The following CSRNP3 variants were observed in gnomAD, a reference collection of about 807,000 sequenced individuals.
CSRNP3 encodes the protein cysteine and serine rich nuclear protein 3, also known as cysteine/serine-rich nuclear protein 3.
CSRNP3 carries 12 observed loss-of-function variants against 48.0 expected under a neutral mutation model. That is an observed-to-expected ratio of 0.25 (90% CI 0.16 to 0.41). CSRNP3 has a LOEUF of 0.41. CSRNP3 is among the 10% of genes least tolerant of loss of function. CSRNP3 has a pLI of 1.00. For synonymous variants in CSRNP3, 263 were observed against 269.7 expected, an observed-to-expected ratio of 0.98 and a Z score of 0.24; for missense variants, 580 against 724.4, an observed-to-expected ratio of 0.80 and a Z score of 2.29.
Position 165,500,420 on chromosome 2 carries a change from TACACAC to T in CSRNP3, c.-113+5507_-113+5512del, listed in dbSNP as rs60600698. 1.8e-4 allele frequency among the ~76,000 whole-genome samples: 26 copies of T among 142,408 alleles called. No homozygotes were observed. The East Asian group carries it at 2.6e-3, about 14-fold the overall frequency. The allele number at this position is 142,408 out of a possible 152,430, so 93.4% of individuals were successfully genotyped here. A position where few individuals can be genotyped will look rare whatever the true frequency, so the allele number is the denominator to read the frequency against. On this transcript the variant is annotated intron_variant, in intron 2 of 6. Transcript: ENST00000651982. ...ATACATATATGTATACATATATATA[TACACAC>T]ACACACACACACACGTGTATATATA...
chr2:165,569,249 C>T (rs893778881), intron 3 of CSRNP3, among the ~76,000 whole-genome samples: 2 of 152,146 alleles, frequency 1.3e-5, no homozygotes, highest in African/African-American at 4.8e-5. Context: ...GAAAATCCAG[C>T]CTCATCAAGG....
intron 3 of CSRNP3, among the ~76,000 whole-genome samples, chr2:165,592,291 G>C (rs1685730495): frequency 6.6e-6 from 1 of 152,164 alleles, no homozygotes; most frequent in Non-Finnish European, 1.5e-5. Flanking sequence ...TTAGGAACAG[G>C]TGTGTTTACC....
chr2:165,594,914 G>T (rs1473880373), intron 3 of CSRNP3, 129 bp from the exon 4 acceptor site: 1 of 600,280 alleles, frequency 1.7e-6, no homozygotes, highest in South Asian at 4.9e-5. Flanking sequence ...ATCTGCTAAA[G>T]ATCCTTTCAA....
At chr2:165,493,102 C>G (rs903873180) in intron 1 of CSRNP3, among the ~76,000 whole-genome samples, 1 of 151,772 alleles carries the variant, frequency 6.6e-6, no homozygotes, top group Admixed American at 6.6e-5. Flanking sequence ...GCAGAAAGAC[C>G]TGGAATAAAT....
intron 1 of CSRNP3, among the ~76,000 whole-genome samples, chr2:165,482,364 A>C (rs999658910): frequency 6.6e-6 from 1 of 151,942 alleles, no homozygotes; most frequent in Non-Finnish European, 1.5e-5. Flanking sequence ...CCTGAGTCCA[A>C]GCGATTCTTG....
intron 3 of CSRNP3, among the ~76,000 whole-genome samples, chr2:165,539,535 A>C (rs1475370940): frequency 6.6e-6 from 1 of 152,086 alleles, no homozygotes; most frequent in Non-Finnish European, 1.5e-5. Context: ...TAACAACTTA[A>C]AGAGAACAAA....
rs1368247554 is a variant in CSRNP3 at position 165,679,344 on chromosome 2, T to A, written c.1349T>A (p.Ile450Asn). Residue 450 changes from isoleucine (I) to asparagine (N), a missense_variant, in exon 7 of 7, where the codon ATC becomes AAC. Transcript: ENST00000651982. ...DSHIPGTPNQISENYSERDTV... is the reference protein window; with the variant it reads ...DSHIPGTPNQNSENYSERDTV... ...CACATTCCAGGAACTCCAAATCAGA[T>A]CTCTGAGAACTATTCTGAAAGAGAC... The A allele has an allele frequency of 3.1e-6, 5 of 1,613,620 alleles. No individual in the cohort carries two copies. In the Admixed American group the frequency reaches 8.3e-5, roughly 27 times the overall value.
intron 4 of CSRNP3, among the ~76,000 whole-genome samples, chr2:165,621,495 A>C (rs1296830521): frequency 1.3e-5 from 2 of 152,200 alleles, no homozygotes; most frequent in African/African-American, 4.8e-5. Flanking sequence ...TTTCCAGTGG[A>C]GCATAGAATG....
chr2:165,623,059 T>A (rs1435608066), intron 4 of CSRNP3, among the ~76,000 whole-genome samples: 1 of 152,170 alleles, frequency 6.6e-6, no homozygotes, highest in Non-Finnish European at 1.5e-5. Flanking sequence ...CAGCCTTGGG[T>A]TGAAAATATT....
At chr2:165,619,125 TA>T (rs1686297249) in intron 4 of CSRNP3, among the ~76,000 whole-genome samples, 1 of 152,122 alleles carries the variant, frequency 6.6e-6, no homozygotes, top group Non-Finnish European at 1.5e-5. Context: ...ATAGGAGAAC[TA>T]AAGTAAAATA....
At chr2:165,483,726 T>C (rs1437055553) in intron 1 of CSRNP3, among the ~76,000 whole-genome samples, 1 of 152,182 alleles carries the variant, frequency 6.6e-6, no homozygotes, top group African/African-American at 2.4e-5. Context: ...GACTGTTTTC[T>C]AGACAGCCAT....
intron 3 of CSRNP3, among the ~76,000 whole-genome samples, chr2:165,588,697 G>A (rs368819782): frequency 3.9e-5 from 6 of 152,312 alleles, no homozygotes; most frequent in African/African-American, 1.4e-4. Context: ...GCTGATGGCT[G>A]CAATCCCAGC....
At chr2:165,616,633 G>C (rs1573921491) in intron 4 of CSRNP3, among the ~76,000 whole-genome samples, 2 of 152,296 alleles carry the variant, frequency 1.3e-5, no homozygotes, top group South Asian at 4.1e-4. Context: ...GTTAATGTGA[G>C]AGAGATTCCC....
intron 3 of CSRNP3, among the ~76,000 whole-genome samples, chr2:165,577,289 T>C (rs1187032614): frequency 6.6e-6 from 1 of 151,928 alleles, no homozygotes; most frequent in Non-Finnish European, 1.5e-5. Flanking sequence ...TTGCCTATTC[T>C]AGAATTTACA....
chr2:165,647,141 T>C (rs1048770995), intron 4 of CSRNP3, among the ~76,000 whole-genome samples: 2 of 152,202 alleles, frequency 1.3e-5, no homozygotes, highest in Non-Finnish European at 2.9e-5. Flanking sequence ...TAAGGATTTT[T>C]ACAAATGTAA....
At chr2:165,508,015 G>T (rs1371399620) in intron 2 of CSRNP3, among the ~76,000 whole-genome samples, 1 of 151,942 alleles carries the variant, frequency 6.6e-6, no homozygotes, top group Non-Finnish European at 1.5e-5. Context: ...CTTAAGGTAG[G>T]TGCCATCGAC....
intron 1 of CSRNP3, among the ~76,000 whole-genome samples, chr2:165,474,180 T>C (rs1042158487): frequency 1.3e-5 from 2 of 152,048 alleles, no homozygotes; most frequent in African/African-American, 4.8e-5. Flanking sequence ...CACTATCAAA[T>C]GTAGTTTTTA....
intron 3 of CSRNP3, among the ~76,000 whole-genome samples, chr2:165,564,199 A>G (rs1036049512): frequency 2.0e-5 from 3 of 152,128 alleles, no homozygotes; most frequent in African/African-American, 7.2e-5. Context: ...GGATCCTAGT[A>G]TGGTATCAAG....
In CSRNP3 at chr2:165,683,292, A is replaced by G. The variant is rs1325016585; in HGVS notation, c.*3539A>G. 6.6e-6 allele frequency: 1 copy of G among 152,124 alleles called. No individual in the cohort carries two copies. The highest frequency in any genetic ancestry group is 1.5e-5 in the Non-Finnish European group (1 of 68,002). 9.4% of individuals were successfully genotyped at this position (152,124 alleles called of 1,614,324 possible). A position where few individuals can be genotyped will look rare whatever the true frequency, so the allele number is the denominator to read the frequency against. On this transcript the variant is annotated 3_prime_UTR_variant, in exon 7 of 7. Coordinates refer to ENST00000651982, the MANE Select transcript of CSRNP3 (RefSeq NM_001172173.2). Reference sequence around the variant, plus strand: ...TGTGACAGCCACATGTAAAATGTGAAACTAATGTTTCTTAGTATGTTTAAA... The same window carrying G: ...TGTGACAGCCACATGTAAAATGTGAGACTAATGTTTCTTAGTATGTTTAAA...
Sources: allele counts gnomAD v4.1 joint callset (sites outside exome capture counted in the v4.1 genomes callset), GRCh38; gene constraint gnomAD v4.1.1; transcripts MANE v1.5; gene names NCBI Gene and HGNC (gene_info 2026-07-23, HGNC 2026-07-21).